PDIA5: variants seen among roughly 807,000 people sequenced by gnomAD.
The protein encoded by PDIA5 is protein disulfide isomerase family A member 5, also known as protein disulfide-isomerase A5.
A neutral mutation model predicts 77.6 loss-of-function variants in PDIA5; 58 were observed. The ratio of observed to expected loss-of-function variants is 0.75; its 90% CI spans 0.61 to 0.93. The LOEUF (loss-of-function observed/expected upper bound fraction) is 0.93. Ranked by LOEUF, PDIA5 falls within the 40% of genes least tolerant of loss-of-function variation. The pLI, the probability that PDIA5 is intolerant of heterozygous loss-of-function variation, is 0.00. For missense variants in PDIA5, 630 were observed against 647.7 expected, an observed-to-expected ratio of 0.97 and a Z score of 0.30; for synonymous variants, 250 against 252.1, an observed-to-expected ratio of 0.99 and a Z score of 0.08.
intron 10 of PDIA5, among the ~76,000 whole-genome samples, chr3:123,129,555 A>G (rs571618223): frequency 6.6e-6 from 1 of 152,312 alleles, no homozygotes; most frequent in South Asian, 2.1e-4. Flanking sequence ...TTGTCTTTTC[A>G]CATTTGTCAT....
intron 1 of PDIA5, among the ~76,000 whole-genome samples, chr3:123,079,244 G>C (rs759070672): frequency 5.4e-4 from 77 of 143,640 alleles, no homozygotes; most frequent in Non-Finnish European, 1.0e-3. Flanking sequence ...GCAATGGTGC[G>C]ATCTCGGCTC....
At chr3:123,100,300 G>A (rs775721025) in intron 3 of PDIA5, among the ~76,000 whole-genome samples, 2 of 152,212 alleles carry the variant, frequency 1.3e-5, no homozygotes, top group Non-Finnish European at 1.5e-5. Flanking sequence ...TGCGGGACGG[G>A]GCACACCTGA....
At position 123,124,096 on chromosome 3, in the gene PDIA5, G is replaced by A; in HGVS notation, c.640G>A (p.Glu214Lys). ...GGCCGGGATGAATGTCTACTCCTCT[G>A]AATTTGAAAACATCAAGGAGGAGTA... The part of the protein sequence containing the change: ...VLAGMNVYSS[E>K]FENIKEEYSV... The change falls in exon 9 of 17, where the codon GAA becomes AAA. Residue 214 changes from glutamate (E) to lysine (K), a missense_variant. Physicochemically the swap from Glu to Lys is moderately conservative, Grantham distance 56. Coordinates refer to ENST00000316218, the MANE Select transcript of PDIA5 (RefSeq NM_006810.4). 1 of 1,614,084 alleles carries A rather than the reference G, an allele frequency of 6.2e-7. No individual in the cohort carries two copies. Among genetic ancestry groups the A allele is most frequent in the East Asian group, 2.2e-5 (1 of 44,876 alleles).
chr3:123,145,423 T>A, intron 11 of PDIA5, 99 bp from the exon 12 acceptor site: 2 of 767,732 alleles, frequency 2.6e-6, no homozygotes, highest in South Asian at 3.3e-5. Context: ...TTCTCAGGTG[T>A]CTGGGAATGG....
At chr3:123,116,337 C>A in intron 8 of PDIA5, 39 bp downstream of exon 8, 3 of 1,535,238 alleles carry the variant, frequency 2.0e-6, no homozygotes, top group Non-Finnish European at 2.7e-6. Context: ...CTGGGTCACT[C>A]TTGGACTTGG....
At chr3:123,106,724 T>G in intron 5 of PDIA5, 25 bp from the exon 6 acceptor site, 1 of 1,550,096 alleles carries the variant, frequency 6.5e-7, no homozygotes, top group Non-Finnish European at 8.9e-7. Context: ...AAAATGCATT[T>G]TCTCTTCTCT....
intron 11 of PDIA5, among the ~76,000 whole-genome samples, chr3:123,131,516 G>A (rs917729222): frequency 2.7e-5 from 4 of 150,276 alleles, no homozygotes; most frequent in African/African-American, 4.9e-5. Flanking sequence ...AAGTGGTCGC[G>A]GGCTGAGGCC....
At chr3:123,111,141 C>A in intron 7 of PDIA5, 137 bp downstream of exon 7, 1 of 686,596 alleles carries the variant, frequency 1.5e-6, no homozygotes, top group Non-Finnish European at 2.6e-6. Flanking sequence ...ATCTCTCCAT[C>A]TGCGCCTCTT....
intron 11 of PDIA5, among the ~76,000 whole-genome samples, chr3:123,131,014 A>G (rs1260757802): frequency 1.3e-5 from 2 of 152,206 alleles, no homozygotes; most frequent in Non-Finnish European, 1.5e-5. Flanking sequence ...GCTCATACCT[A>G]TAATCCCAGC....
chr3:123,153,990 T>C (rs1361747166), intron 14 of PDIA5, among the ~76,000 whole-genome samples: 1 of 152,148 alleles, frequency 6.6e-6, no homozygotes, highest in Non-Finnish European at 1.5e-5. Flanking sequence ...TTCTGTGCCC[T>C]GGACAGTTCT....
rs776940046 is a variant in PDIA5 at position 123,150,293 on chromosome 3, A to T, written c.1202A>T (p.His401Leu). ...GAAGAGCAGCAGACAAGCGTGTTGC[A>T]CCTGGTGGGGGACAACTTCCGGGAG... ...TWEEQQTSVLHLVGDNFRETL... is the reference protein window; with the variant it reads ...TWEEQQTSVLLLVGDNFRETL... The change falls in exon 14 of 17, where the codon CAC (histidine) becomes CTC (leucine). Residue 401 changes from histidine to leucine, a missense_variant. Physicochemically the swap from His to Leu is moderately conservative, Grantham distance 99. Transcript: ENST00000316218. 8 of 1,613,558 alleles carry T rather than the reference A, an allele frequency of 5.0e-6. No homozygotes were observed. In the South Asian group the frequency reaches 6.6e-5, roughly 13 times the overall value.
chr3:123,124,355 G>A lies in PDIA5; in HGVS notation c.773+12G>A. ...GAGTGGCTGAAGAAGTAAGTGGGGT[G>A]TGTGTGTGTCAGTGGGCGTGGACCC... On this transcript the variant is annotated intron_variant, in intron 10 of 16. Transcript: ENST00000316218. 1 of 1,605,088 alleles carries A rather than the reference G, an allele frequency of 6.2e-7. No homozygotes were observed. Among genetic ancestry groups the A allele is most frequent in the Non-Finnish European group, 8.5e-7 (1 of 1,171,730 alleles).
intron 10 of PDIA5, among the ~76,000 whole-genome samples, chr3:123,124,626 G>A (rs910682564): frequency 6.6e-6 from 1 of 152,184 alleles, no homozygotes; most frequent in Non-Finnish European, 1.5e-5. Flanking sequence ...CCGTCTCCAC[G>A]GGTTGGAACT....
At chr3:123,141,836 T>C (rs948451924) in intron 11 of PDIA5, among the ~76,000 whole-genome samples, 4 of 152,196 alleles carry the variant, frequency 2.6e-5, no homozygotes, top group Non-Finnish European at 4.4e-5. Flanking sequence ...ACTCCTGACA[T>C]GTGGGCCAGT....
rs79235770 is a variant in PDIA5 at position 123,080,865 on chromosome 3, T to A, written c.43-8303T>A. Among the ~76,000 whole-genome samples the A allele has an allele frequency of 2.3e-3, 353 of 152,260 alleles. 16 individuals are homozygous for A. In the East Asian group the frequency reaches 0.063, roughly 27 times the overall value. On this transcript the variant is annotated intron_variant, in intron 1 of 16. Coordinates refer to ENST00000316218, the MANE Select transcript of PDIA5 (RefSeq NM_006810.4). ...CCAGGGCCAGAGTATCCCTCTGTGGTGTCAGGGACCCAGGTAACGTCTATC... is the reference window on the plus strand; with the variant it reads ...CCAGGGCCAGAGTATCCCTCTGTGGAGTCAGGGACCCAGGTAACGTCTATC...
intron 1 of PDIA5, among the ~76,000 whole-genome samples, chr3:123,073,166 G>A (rs1166095946): frequency 1.3e-5 from 2 of 152,188 alleles, no homozygotes; most frequent in East Asian, 3.8e-4. Context: ...CGTATTTCAC[G>A]ACGGTGTGGT....
chr3:123,090,100 C>T (rs962561000), intron 2 of PDIA5, among the ~76,000 whole-genome samples: 3 of 152,216 alleles, frequency 2.0e-5, no homozygotes, highest in East Asian at 3.8e-4. Context: ...CCTCAGCACT[C>T]ACTGGCACCT....
chr3:123,149,800 C>T (rs993041322), intron 13 of PDIA5, among the ~76,000 whole-genome samples: 4 of 152,232 alleles, frequency 2.6e-5, no homozygotes, highest in South Asian at 4.1e-4. Context: ...AACCCAGGCC[C>T]GCCTCACTCC....
intron 1 of PDIA5, among the ~76,000 whole-genome samples, chr3:123,085,864 AT>A (rs958105403): frequency 3.3e-5 from 5 of 152,016 alleles, no homozygotes; most frequent in Non-Finnish European, 7.4e-5. Context: ...CCAACAGATT[AT>A]TTTTTTTCCC....
Sources: gnomAD v4.1 joint callset for allele counts (sites outside exome capture counted in the v4.1 genomes callset) on GRCh38, gnomAD v4.1.1 for gene constraint, MANE v1.5 for transcripts, NCBI Gene and HGNC (gene_info 2026-07-23, HGNC 2026-07-21) for gene names.